Variants in GPC5 observed in about 807,000 individuals in gnomAD.
GPC5 encodes the protein glypican 5.
Under a neutral mutation model 53.9 loss-of-function variants are expected in GPC5, and 47 were observed. The observed-to-expected ratio is 0.87, with a 90% CI of 0.69 to 1.11. The LOEUF (loss-of-function observed/expected upper bound fraction) is 1.11, where lower values mean the gene tolerates loss of function less well. GPC5 is among the 50% of genes most tolerant of loss of function. The probability of loss-of-function intolerance (pLI) is 0.00; values close to 1 mark genes in which losing one functional copy is unlikely to be tolerated. For synonymous variants in GPC5, 286 were observed against 263.3 expected, an observed-to-expected ratio of 1.09 and a Z score of -0.84; for missense variants, 748 against 713.1, an observed-to-expected ratio of 1.05 and a Z score of -0.56.
intron 7 of GPC5, among the ~76,000 whole-genome samples, chr13:92,574,274 C>G (rs1353554639): frequency 1.3e-5 from 2 of 152,180 alleles, no homozygotes; most frequent in Non-Finnish European, 2.9e-5. Context: ...TGAAACAACT[C>G]TGCTAGCACC....
chr13:91,815,605 C>T (rs369651722), intron 5 of GPC5, among the ~76,000 whole-genome samples: 2 of 152,112 alleles, frequency 1.3e-5, no homozygotes, highest in Non-Finnish European at 2.9e-5. Flanking sequence ...TTAGTGAGCA[C>T]GATGTGAGGT....
intron 3 of GPC5, 76 bp downstream of exon 3, chr13:91,693,957 T>G: frequency 9.3e-7 from 1 of 1,076,788 alleles, no homozygotes; most frequent in Middle Eastern, 2.1e-4. Context: ...TAGGAAATAG[T>G]AGGAGAATGT....
At chr13:92,509,203 C>T (rs964818487) in intron 7 of GPC5, among the ~76,000 whole-genome samples, 4 of 152,260 alleles carry the variant, frequency 2.6e-5, no homozygotes, top group African/African-American at 7.2e-5. Context: ...AACATCAATC[C>T]GCTAATCATT....
At chr13:91,424,843 A>G (rs1878924020) in intron 1 of GPC5, among the ~76,000 whole-genome samples, 1 of 152,218 alleles carries the variant, frequency 6.6e-6, no homozygotes, top group African/African-American at 2.4e-5. Flanking sequence ...GAGCAGGAAC[A>G]TAATCTACTT....
intron 7 of GPC5, among the ~76,000 whole-genome samples, chr13:92,301,997 ATTAT>A (rs2043078946): frequency 6.6e-6 from 1 of 152,134 alleles, no homozygotes; most frequent in South Asian, 2.1e-4. Flanking sequence ...TGTGATTTGC[ATTAT>A]TTGTGTGACT....
At chr13:91,419,002 GA>G (rs1443189493) in intron 1 of GPC5, among the ~76,000 whole-genome samples, 2 of 151,972 alleles carry the variant, frequency 1.3e-5, no homozygotes, top group African/African-American at 4.8e-5. Flanking sequence ...ATGATAATTT[GA>G]ATGACCTTAA....
chr13:91,996,805 C>T (rs964504818), intron 6 of GPC5, among the ~76,000 whole-genome samples: 1 of 152,056 alleles, frequency 6.6e-6, no homozygotes, highest in Non-Finnish European at 1.5e-5. Flanking sequence ...TGTCTGTCTC[C>T]TTTCATTGAA....
At chr13:91,698,438 T>C (rs905770739) in intron 3 of GPC5, among the ~76,000 whole-genome samples, 4 of 152,174 alleles carry the variant, frequency 2.6e-5, no homozygotes, top group Admixed American at 2.6e-4. Context: ...ACAGTAAGCA[T>C]AGTAAATTTA....
At chr13:92,682,889 A>G (rs188440742) in intron 7 of GPC5, among the ~76,000 whole-genome samples, 1 of 152,160 alleles carries the variant, frequency 6.6e-6, no homozygotes, top group African/African-American at 2.4e-5. Context: ...AGAATGTGGG[A>G]GTAGGGTTAA....
intron 7 of GPC5, among the ~76,000 whole-genome samples, chr13:92,217,700 C>T (rs115980739): frequency 5.2e-4 from 79 of 152,196 alleles, no homozygotes; most frequent in African/African-American, 1.7e-3. Flanking sequence ...GCATCATTAT[C>T]CCTGAATATT....
At chr13:91,466,833 A>G (rs1882269409) in intron 2 of GPC5, among the ~76,000 whole-genome samples, 1 of 152,128 alleles carries the variant, frequency 6.6e-6, no homozygotes, top group Admixed American at 6.6e-5. Context: ...AGTTTTAACG[A>G]AGTTCTTTTG....
chr13:92,622,537 C>A (rs1301470812), intron 7 of GPC5, among the ~76,000 whole-genome samples: 1 of 152,120 alleles, frequency 6.6e-6, no homozygotes, highest in Non-Finnish European at 1.5e-5. Flanking sequence ...ATGCTACTCT[C>A]TAACATTTTG....
intron 7 of GPC5, among the ~76,000 whole-genome samples, chr13:92,731,988 A>G (rs920794531): frequency 1.3e-5 from 2 of 151,358 alleles, no homozygotes; most frequent in African/African-American, 4.8e-5. Context: ...GATGGTGTAA[A>G]AGTACCATAA....
rs7998479 is a variant in GPC5, at chr13:91,982,313, G to A, written c.1401+74256G>A. Among the ~76,000 whole-genome samples the A allele has an allele frequency of 8.9e-3, 1,352 of 152,282 alleles. 26 individuals carry two copies. Among genetic ancestry groups the A allele is most frequent in the African/African-American group, 0.031 (1,272 of 41,550 alleles). On this transcript the variant is annotated intron_variant, in intron 6 of 7. Transcript: ENST00000377067. ...TGATCCCACAAATATATTCAAATGTGTGAGAGGTGTTCAGGATTATTTGAC... is the reference window on the plus strand; with the variant it reads ...TGATCCCACAAATATATTCAAATGTATGAGAGGTGTTCAGGATTATTTGAC...
chr13:92,242,442 T>C (rs1016835507), intron 7 of GPC5, among the ~76,000 whole-genome samples: 6 of 152,102 alleles, frequency 3.9e-5, no homozygotes, highest in Admixed American at 6.6e-5. Context: ...TCGTGTTTTG[T>C]TCTGATCCTA....
chr13:92,742,501 A>G (rs1156977409), intron 7 of GPC5, among the ~76,000 whole-genome samples: 3 of 149,038 alleles, frequency 2.0e-5, no homozygotes, highest in East Asian at 2.2e-4. Context: ...AGATGAGTAG[A>G]TTGCAAAAAT....
At chr13:91,990,010 A>G (rs2040443038) in intron 6 of GPC5, among the ~76,000 whole-genome samples, 1 of 152,298 alleles carries the variant, frequency 6.6e-6, no homozygotes, top group Admixed American at 6.5e-5. Context: ...ATTCATAACT[A>G]TAGTAATTTT....
At chr13:92,005,945 A>G (rs1271143120) in intron 6 of GPC5, among the ~76,000 whole-genome samples, 1 of 152,184 alleles carries the variant, frequency 6.6e-6, no homozygotes, top group Non-Finnish European at 1.5e-5. Context: ...GTATTCTCAA[A>G]GAAACTAGAT....
chr13:91,650,250 T>A, intron 2 of GPC5, among the ~76,000 whole-genome samples: 1 of 152,184 alleles, frequency 6.6e-6, no homozygotes, highest in East Asian at 1.9e-4. Context: ...AGGGACAGTG[T>A]CATCCTACCC....
Sources: gnomAD v4.1 joint callset for allele counts (sites outside exome capture counted in the v4.1 genomes callset) on GRCh38, gnomAD v4.1.1 for gene constraint, MANE v1.5 for transcripts, NCBI Gene and HGNC (gene_info 2026-07-23, HGNC 2026-07-21) for gene names.